Variants in HCN1 observed in about 807,000 individuals in gnomAD.
The protein encoded by HCN1 is potassium/sodium hyperpolarization-activated cyclic nucleotide-gated channel 1.
In HCN1, 13 loss-of-function variants were observed where a neutral mutation model predicts 78.9. The observed-to-expected ratio is 0.16, with a 90% CI of 0.11 to 0.26. The LOEUF is 0.26. HCN1 is among the 10% of genes least tolerant of loss of function. HCN1 has a pLI of 1.00. For synonymous variants in HCN1, 552 were observed against 455.5 expected, an observed-to-expected ratio of 1.21 and a Z score of -2.70; for missense variants, 810 against 1,154.3, an observed-to-expected ratio of 0.70 and a Z score of 4.32.
chr5:45,682,104 G>A (rs991463752), intron 1 of HCN1, among the ~76,000 whole-genome samples: 1 of 151,736 alleles, frequency 6.6e-6, no homozygotes, highest in Non-Finnish European at 1.5e-5. Context: ...TTTGTGACAA[G>A]CAGACTCACA....
At chr5:45,460,152 T>C (rs943497109) in intron 3 of HCN1, among the ~76,000 whole-genome samples, 2 of 152,174 alleles carry the variant, frequency 1.3e-5, no homozygotes, top group Admixed American at 6.6e-5. Flanking sequence ...ATTCATGTGT[T>C]AGAAGCTTAA....
At chr5:45,592,697 C>T (rs1370013877) in intron 2 of HCN1, among the ~76,000 whole-genome samples, 1 of 152,102 alleles carries the variant, frequency 6.6e-6, no homozygotes, top group Non-Finnish European at 1.5e-5. Flanking sequence ...TTAGTTTTAA[C>T]ATCACTGTAC....
At chr5:45,394,841 G>A (rs938761248) in intron 4 of HCN1, among the ~76,000 whole-genome samples, 2 of 152,058 alleles carry the variant, frequency 1.3e-5, no homozygotes, top group Admixed American at 1.3e-4. Context: ...CTTTTAATCA[G>A]CTGTTCCTGA....
intron 2 of HCN1, among the ~76,000 whole-genome samples, chr5:45,627,207 T>C (rs930646543): frequency 4.6e-5 from 7 of 152,224 alleles, no homozygotes; most frequent in African/African-American, 1.4e-4. Context: ...GTTTTCTTTT[T>C]GGTAACTGAC....
At chr5:45,308,842 T>A (rs1745790792) in intron 5 of HCN1, among the ~76,000 whole-genome samples, 1 of 152,136 alleles carries the variant, frequency 6.6e-6, no homozygotes, top group African/African-American at 2.4e-5. Context: ...TTGTCTTGGC[T>A]ATTTGGGCTA....
intron 6 of HCN1, among the ~76,000 whole-genome samples, chr5:45,281,358 T>C (rs760976506): frequency 2.0e-4 from 30 of 151,992 alleles, no homozygotes; most frequent in Non-Finnish European, 3.5e-4. Context: ...ATGTGCCTAT[T>C]TCCTCTTCAC....
chr5:45,563,276 C>T (rs1391741246), intron 2 of HCN1, among the ~76,000 whole-genome samples: 2 of 151,824 alleles, frequency 1.3e-5, no homozygotes, highest in African/African-American at 4.8e-5. Context: ...ATGGTGAAAA[C>T]CCGTCTCCAC....
intron 2 of HCN1, among the ~76,000 whole-genome samples, chr5:45,568,406 GA>G (rs1037748185): frequency 2.7e-5 from 4 of 148,868 alleles, no homozygotes; most frequent in South Asian, 2.1e-4. Context: ...TGCAAAATTT[GA>G]AAAAAAAAGC....
chr5:45,428,725 G>C (rs1439306560), intron 3 of HCN1, among the ~76,000 whole-genome samples: 2 of 151,812 alleles, frequency 1.3e-5, no homozygotes, highest in Admixed American at 6.6e-5. Flanking sequence ...ACCAAATTTG[G>C]GCTTGAAATA....
intron 4 of HCN1, among the ~76,000 whole-genome samples, chr5:45,361,744 A>T (rs924872456): frequency 2.6e-5 from 4 of 152,198 alleles, no homozygotes; most frequent in African/African-American, 9.6e-5. Flanking sequence ...AGAACTTGGA[A>T]GTTGTTTACA....
At chr5:45,406,301 G>A (rs1356429294) in intron 3 of HCN1, among the ~76,000 whole-genome samples, 2 of 152,046 alleles carry the variant, frequency 1.3e-5, no homozygotes, top group Non-Finnish European at 2.9e-5. Flanking sequence ...TTATATATAA[G>A]TATTAGTGAA....
At chr5:45,634,174 C>A (rs915259954) in intron 2 of HCN1, among the ~76,000 whole-genome samples, 3 of 151,888 alleles carry the variant, frequency 2.0e-5, no homozygotes, top group African/African-American at 7.2e-5. Context: ...TCTAGATGAA[C>A]CTTCTGCTCA....
At chr5:45,278,851 C>T (rs1390777213) in intron 6 of HCN1, among the ~76,000 whole-genome samples, 1 of 151,992 alleles carries the variant, frequency 6.6e-6, no homozygotes, top group Admixed American at 6.6e-5. Context: ...ATAACCAAAT[C>T]CAACCATTGG....
At chr5:45,270,552 T>C (rs561749264) in intron 6 of HCN1, among the ~76,000 whole-genome samples, 2 of 152,332 alleles carry the variant, frequency 1.3e-5, no homozygotes, top group South Asian at 4.1e-4. Context: ...CATGTCCCTT[T>C]GTCTCGTCTC....
intron 3 of HCN1, among the ~76,000 whole-genome samples, chr5:45,430,244 G>A (rs755344895): frequency 1.3e-5 from 2 of 152,124 alleles, no homozygotes; most frequent in Non-Finnish European, 2.9e-5. Context: ...AATTTGCTGA[G>A]TTGATCTCAA....
chr5:45,415,819 C>G (rs932790697), intron 3 of HCN1, among the ~76,000 whole-genome samples: 1 of 151,972 alleles, frequency 6.6e-6, no homozygotes, highest in South Asian at 2.1e-4. Flanking sequence ...AGACCATGTC[C>G]TAAACATCTT....
chr5:45,547,131 C>G (rs1007134321), intron 2 of HCN1, among the ~76,000 whole-genome samples: 1 of 151,786 alleles, frequency 6.6e-6, no homozygotes, highest in African/African-American at 2.4e-5. Flanking sequence ...TTCTTTATTG[C>G]CAACTGAGTA....
intron 2 of HCN1, among the ~76,000 whole-genome samples, chr5:45,519,928 T>G (rs959788640): frequency 1.3e-5 from 2 of 152,006 alleles, no homozygotes; most frequent in Non-Finnish European, 2.9e-5. Flanking sequence ...TATAAAAACA[T>G]GTGTTTACCC....
In HCN1 at chr5:45,539,461, G is replaced by T. The variant is rs532974918; in HGVS notation, c.850-77454C>A. ...GCGGATCACGAGGTCAGGAGATTGA[G>T]ACCATCTTGGCTAACACGGTGAAAC... On this transcript the variant is annotated intron_variant, in intron 2 of 7. Transcript: ENST00000303230. Among the ~76,000 whole-genome samples the T allele has an allele frequency of 5.1e-4, 77 of 151,324 alleles. No individual in the cohort carries two copies. The South Asian group carries it at 7.9e-3, about 15-fold the overall frequency.
Sources: gnomAD v4.1 joint callset for allele counts (sites outside exome capture counted in the v4.1 genomes callset) on GRCh38, gnomAD v4.1.1 for gene constraint, MANE v1.5 for transcripts, NCBI Gene and HGNC (gene_info 2026-07-23, HGNC 2026-07-21) for gene names.